Variants in TTC28 observed in about 807,000 individuals in gnomAD.
The protein encoded by TTC28 is tetratricopeptide repeat domain 28, also known as tetratricopeptide repeat protein 28.
TTC28 carries 61 observed loss-of-function variants against 198.0 expected under a neutral mutation model. The observed-to-expected ratio is 0.31, with a 90% confidence interval of 0.25 to 0.38. The LOEUF (loss-of-function observed/expected upper bound fraction) is 0.38, where lower values mean the gene tolerates loss of function less well. Ranked by LOEUF, TTC28 falls within the 10% of genes least tolerant of loss-of-function variation. TTC28 has a pLI of 1.00. For synonymous variants in TTC28, 1,171 were observed against 1,297.8 expected, an observed-to-expected ratio of 0.90 and a Z score of 2.10; for missense variants, 2,678 against 3,164.0, an observed-to-expected ratio of 0.85 and a Z score of 3.69.
chr22:28,168,206 T>G (rs1040728076), intron 5 of TTC28, among the ~76,000 whole-genome samples: 1 of 152,216 alleles, frequency 6.6e-6, no homozygotes, highest in East Asian at 1.9e-4. Flanking sequence ...TCCATGCTCA[T>G]GGATAGGAAG....
chr22:28,243,248 A>T (rs1210516043), intron 5 of TTC28, among the ~76,000 whole-genome samples: 1 of 146,148 alleles, frequency 6.8e-6, no homozygotes, highest in South Asian at 2.2e-4. Context: ...CTGTAGTCTC[A>T]ACTACTTGGG....
intron 2 of TTC28, among the ~76,000 whole-genome samples, chr22:28,337,302 AG>A (rs1425736277): frequency 6.6e-6 from 1 of 152,196 alleles, no homozygotes; most frequent in Non-Finnish European, 1.5e-5. Context: ...GGTGCTGAAA[AG>A]AATGTATATT....
intron 13 of TTC28, among the ~76,000 whole-genome samples, chr22:28,019,865 C>G (rs979168053): frequency 4.6e-5 from 7 of 152,210 alleles, no homozygotes; most frequent in Non-Finnish European, 1.0e-4. Flanking sequence ...GGAGCGTGAG[C>G]CGTGGCAGGG....
chr22:28,375,810 G>A (rs1248693233), intron 2 of TTC28, among the ~76,000 whole-genome samples: 2 of 152,122 alleles, frequency 1.3e-5, no homozygotes, highest in Admixed American at 6.5e-5. Context: ...GAACAAAAAG[G>A]GAAAGAAAAG....
At chr22:28,017,830 C>A (rs1938431525) in intron 13 of TTC28, among the ~76,000 whole-genome samples, 1 of 152,154 alleles carries the variant, frequency 6.6e-6, no homozygotes, top group African/African-American at 2.4e-5. Context: ...GAGAACATTC[C>A]CCCCATCCCC....
intron 6 of TTC28, among the ~76,000 whole-genome samples, chr22:28,155,130 T>C (rs1943723572): frequency 6.6e-6 from 1 of 152,244 alleles, no homozygotes; most frequent in South Asian, 2.1e-4. Context: ...GATGATGTTA[T>C]CTTAACATTT....
chr22:28,508,517 T>C (rs530657697), intron 2 of TTC28, among the ~76,000 whole-genome samples: 69 of 152,170 alleles, frequency 4.5e-4, no homozygotes, highest in African/African-American at 1.6e-3. Context: ...ACTCCTGACC[T>C]TAGGTGATCC....
chr22:28,509,691 A>C (rs2048661990), intron 2 of TTC28, among the ~76,000 whole-genome samples: 1 of 152,198 alleles, frequency 6.6e-6, no homozygotes, highest in Non-Finnish European at 1.5e-5. Flanking sequence ...TCAGAGTGGA[A>C]CTAAAGGAGA....
At chr22:28,097,771 G>C (rs933737106) in intron 10 of TTC28, among the ~76,000 whole-genome samples, 6 of 152,182 alleles carry the variant, frequency 3.9e-5, no homozygotes, top group Non-Finnish European at 8.8e-5. Context: ...GAAGCAAGTG[G>C]AGATTTGTAT....
intron 5 of TTC28, among the ~76,000 whole-genome samples, chr22:28,233,240 T>C (rs1404122124): frequency 6.6e-6 from 1 of 152,214 alleles, no homozygotes. Context: ...AGTATACTGG[T>C]AGAAAGAGTA....
At chr22:28,359,947 A>C (rs967776186) in intron 2 of TTC28, among the ~76,000 whole-genome samples, 2 of 152,104 alleles carry the variant, frequency 1.3e-5, no homozygotes, top group Non-Finnish European at 2.9e-5. Context: ...AATCTACTTT[A>C]AACCTTCCCT....
intron 1 of TTC28, among the ~76,000 whole-genome samples, chr22:28,676,705 C>CT (rs761712332): frequency 6.7e-6 from 1 of 149,476 alleles, no homozygotes; most frequent in Non-Finnish European, 1.5e-5. Flanking sequence ...ACAAGAAACT[C>CT]TATTTTTTTA....
chr22:28,071,845 C>G (rs575625589), intron 12 of TTC28, among the ~76,000 whole-genome samples: 5 of 151,638 alleles, frequency 3.3e-5, no homozygotes, highest in Admixed American at 3.3e-4. Flanking sequence ...TAAATCAATT[C>G]TGTCTCTCCC....
chr22:28,239,408 C>A (rs1929496743), intron 5 of TTC28, among the ~76,000 whole-genome samples: 1 of 152,060 alleles, frequency 6.6e-6, no homozygotes. Context: ...GGACAAAGTA[C>A]AAATCAATGA....
chr22:28,352,821 T>TA (rs1468147996), intron 2 of TTC28, among the ~76,000 whole-genome samples: 2 of 152,040 alleles, frequency 1.3e-5, no homozygotes, highest in African/African-American at 4.8e-5. Flanking sequence ...TTTAACAGTC[T>TA]AAAAAACAGT....
chr22:28,642,338 A>T (rs2051381589), intron 1 of TTC28, among the ~76,000 whole-genome samples: 1 of 152,062 alleles, frequency 6.6e-6, no homozygotes, highest in African/African-American at 2.4e-5. Flanking sequence ...TTTCTTGGCC[A>T]GAATACAGTA....
At chr22:28,459,909 A>G (rs2146274191) in intron 2 of TTC28, 1 of 152,372 alleles carries the variant, frequency 6.6e-6, no homozygotes, top group East Asian at 1.9e-4. Flanking sequence ...TGCTTTTAGG[A>G]AATGTTGGCT....
chr22:28,518,335 G>T (rs1350777892), intron 2 of TTC28, among the ~76,000 whole-genome samples: 1 of 152,110 alleles, frequency 6.6e-6, no homozygotes, highest in Admixed American at 6.6e-5. Flanking sequence ...GTATACAAAG[G>T]CCAGGCATGG....
intron 14 of TTC28, among the ~76,000 whole-genome samples, chr22:28,011,171 A>G (rs937302792): frequency 6.6e-6 from 1 of 152,180 alleles, no homozygotes; most frequent in Non-Finnish European, 1.5e-5. Context: ...ACTTTAAATC[A>G]TCTGTAGATT....
Sources: gnomAD v4.1 joint callset for allele counts (sites outside exome capture counted in the v4.1 genomes callset) on GRCh38, gnomAD v4.1.1 for gene constraint, MANE v1.5 for transcripts, NCBI Gene and HGNC (gene_info 2026-07-23, HGNC 2026-07-21) for gene names.